The following MECR variants were observed in gnomAD, a reference collection of about 807,000 sequenced individuals.
MECR encodes the protein mitochondrial trans-2-enoyl-CoA reductase.
Under a neutral mutation model 49.1 loss-of-function variants are expected in MECR, and 37 were observed. The observed-to-expected ratio is 0.75, with a 90% confidence interval of 0.58 to 0.99. The LOEUF is 0.99. MECR is among the 50% of genes least tolerant of loss of function. The pLI is 0.00. For synonymous variants in MECR, 198 were observed against 191.1 expected (o/e 1.04, Z -0.30); for missense variants, 470 against 479.6 (o/e 0.98, Z 0.19).
At chr1:29,187,570 C>T in the MECR span, among the ~76,000 whole-genome samples, 1 of 151,602 alleles carries the variant, frequency 6.6e-6, no homozygotes, top group African/African-American at 2.4e-5. Context: ...GTAATTATCT[C>T]ATATCCCAAG....
intron 1 of MECR, chr1:29,220,950 G>C (rs750143616): frequency 5.1e-6 from 5 of 983,918 alleles, no homozygotes; most frequent in Non-Finnish European, 6.0e-6. Context: ...TCACTGAAAG[G>C]AAGACAGCAA....
intron 3 of MECR, among the ~76,000 whole-genome samples, chr1:29,207,116 T>C (rs1676794403): frequency 6.6e-6 from 1 of 152,134 alleles, no homozygotes; most frequent in Non-Finnish European, 1.5e-5. Context: ...CAATAGATTG[T>C]TATTCTTTTT....
Position 29,200,458 on chromosome 1 carries a change from C to A in MECR, c.830+58G>T, listed in dbSNP as rs995827217. 2.0e-6 allele frequency: 3 copies of A among 1,515,630 alleles called. No homozygotes were observed. In the African/African-American group the frequency reaches 4.1e-5, roughly 21 times the overall value. The allele number at this position is 1,515,630 out of a possible 1,614,324, so 93.9% of individuals were successfully genotyped here. A position where few individuals can be genotyped will look rare whatever the true frequency, so the allele number is the denominator to read the frequency against. ...TGGGACTCAGTCACTTGATGGTCCT[C>A]CCAGCTAAAGACCTGGAGAGCTCTG... On this transcript the variant is annotated intron_variant, in intron 7 of 9. Transcript: ENST00000263702.
chr1:29,194,112 G>A lies in MECR; in HGVS notation c.1032C>T (p.Ala344=), dbSNP rs764012973. ...AGTCCTGCAGCGGGACCTGGGAGCA[G>A]GCAGGGGCTGTGAGCTGGCCTCGGC... The part of the protein sequence containing the change: ...LIRRGQLTAP[A]CSQVPLQDYQ... Residue 344 remains alanine (A), a synonymous_variant, in exon 10 of 10, where the codon GCC becomes GCT. Coordinates refer to ENST00000263702, the MANE Select transcript of MECR (RefSeq NM_016011.5). The A allele has an allele frequency of 2.5e-6, 4 of 1,614,172 alleles. No individual in the cohort carries two copies. Among genetic ancestry groups the A allele is most frequent in the Non-Finnish European group, 2.5e-6 (3 of 1,180,016 alleles).
At chr1:29,177,780 T>C in the MECR span, among the ~76,000 whole-genome samples, 1 of 152,116 alleles carries the variant, frequency 6.6e-6, no homozygotes, top group Non-Finnish European at 1.5e-5. Context: ...AACTCTTGCT[T>C]ACACACCTCT....
intron 4 of MECR, 138 bp from the exon 5 acceptor site, chr1:29,203,371 T>G: frequency 1.6e-6 from 1 of 609,078 alleles, no homozygotes; most frequent in East Asian, 2.9e-5. Context: ...CTGAGTCTTC[T>G]CAGACCTTCC....
At chr1:29,169,165 A>G in the MECR span, 1 of 152,166 alleles carries the variant, frequency 6.6e-6, no homozygotes, top group Non-Finnish European at 1.5e-5. Context: ...AATTTTCACA[A>G]CTCTGAGGTT....
chr1:29,182,117 G>A, the MECR span: 1 of 185,646 alleles, frequency 5.4e-6, no homozygotes, highest in Non-Finnish European at 1.1e-5. Flanking sequence ...TCCGCAGCCA[G>A]CTGGCTTCGC....
the MECR span, among the ~76,000 whole-genome samples, chr1:29,184,080 A>G: frequency 6.8e-6 from 1 of 146,146 alleles, no homozygotes; most frequent in African/African-American, 2.5e-5. Context: ...GGGTTTCACT[A>G]TGTTGGCCAG....
At chr1:29,188,701 G>A (rs1016293657), downstream of MECR, among the ~76,000 whole-genome samples, 7 of 151,504 alleles carry the variant, frequency 4.6e-5, no homozygotes, top group Non-Finnish European at 8.8e-5. Context: ...GTGCTATGGC[G>A]CGATCTTGGC....
chr1:29,180,399 T>C, the MECR span, among the ~76,000 whole-genome samples: 1 of 152,256 alleles, frequency 6.6e-6, no homozygotes, highest in Non-Finnish European at 1.5e-5. Flanking sequence ...AGTACTTTAC[T>C]AAAGACGTCC....
At chr1:29,210,429 G>A (rs144691249) in intron 3 of MECR, among the ~76,000 whole-genome samples, 9 of 152,278 alleles carry the variant, frequency 5.9e-5, no homozygotes, top group African/African-American at 1.9e-4. Flanking sequence ...AGCATCCTGT[G>A]GGCTTCCCCC....
intron 7 of MECR, among the ~76,000 whole-genome samples, chr1:29,197,540 C>G (rs1006753637): frequency 6.6e-6 from 1 of 152,200 alleles, no homozygotes; most frequent in African/African-American, 2.4e-5. Context: ...CTCCCCACTC[C>G]CTGGCTCTTC....
At chr1:29,224,795 A>G (rs1020535477) in intron 1 of MECR, 2 of 152,216 alleles carry the variant, frequency 1.3e-5, no homozygotes, top group African/African-American at 4.8e-5. Context: ...TGGGACTGGA[A>G]CACAGGCAAG....
Position 29,203,132 on chromosome 1 carries a change from TGTCTC to T in MECR, c.647_651del (p.Arg216GlnfsTer3). On this transcript the variant is annotated frameshift_variant and splice_region_variant, in exon 5 of 10. Coordinates refer to ENST00000263702, the MANE Select transcript of MECR (RefSeq NM_016011.5). LOFTEE classifies it high-confidence loss of function. ...GATGAAGCCTCCTTCCCCACGCACCTGTCTCGGACCACATTGATGGTTCTTAGGCC... is the reference window on the plus strand; with the variant it reads ...GATGAAGCCTCCTTCCCCACGCACCTGGACCACATTGATGGTTCTTAGGCC... The T allele has an allele frequency of 6.4e-7, 1 of 1,571,136 alleles. No homozygotes were observed. The highest frequency in any genetic ancestry group is 8.7e-7 in the Non-Finnish European group (1 of 1,155,010).
At chr1:29,178,895 A>C in the MECR span, among the ~76,000 whole-genome samples, 1 of 152,200 alleles carries the variant, frequency 6.6e-6, no homozygotes, top group Non-Finnish European at 1.5e-5. Flanking sequence ...ATGATTCCTC[A>C]ATGATGCCAG....
intron 7 of MECR, among the ~76,000 whole-genome samples, chr1:29,197,018 A>C (rs753067454): frequency 3.9e-5 from 6 of 152,114 alleles, no homozygotes; most frequent in Admixed American, 2.0e-4. Flanking sequence ...AAAACAAAAC[A>C]ACCAAGAAAC....
At chr1:29,220,778 G>T in intron 1 of MECR, 1 of 410,022 alleles carries the variant, frequency 2.4e-6, no homozygotes, top group Non-Finnish European at 3.3e-6. Flanking sequence ...GATAACACGA[G>T]AACTCAGTTC....
the MECR span, among the ~76,000 whole-genome samples, chr1:29,183,461 G>C: frequency 6.6e-6 from 1 of 151,950 alleles, no homozygotes; most frequent in East Asian, 1.9e-4. Flanking sequence ...GTTTTGATAA[G>C]TTATTGCTCA....
Sources: allele counts gnomAD v4.1 joint callset (sites outside exome capture counted in the v4.1 genomes callset), GRCh38; gene constraint gnomAD v4.1.1; transcripts MANE v1.5; gene names NCBI Gene and HGNC (gene_info 2026-07-23, HGNC 2026-07-21).